Variants in ADGRA3 observed in about 807,000 individuals in gnomAD.
ADGRA3 encodes G-protein coupled receptor 125.
ADGRA3 carries 56 observed loss-of-function variants against 119.8 expected under a neutral mutation model. The observed-to-expected ratio is 0.47, with a 90% CI of 0.38 to 0.58. The LOEUF is 0.58. Ranked by LOEUF, ADGRA3 falls within the 20% of genes least tolerant of loss-of-function variation. The pLI is 0.00. For synonymous variants in ADGRA3, 607 were observed against 623.8 expected, an observed-to-expected ratio of 0.97 and a Z score of 0.40; for missense variants, 1,516 against 1,649.0, an observed-to-expected ratio of 0.92 and a Z score of 1.40.
At chr4:22,430,668 A>G (rs79842790) in intron 10 of ADGRA3, among the ~76,000 whole-genome samples, 1 of 151,922 alleles carries the variant, frequency 6.6e-6, no homozygotes, top group African/African-American at 2.4e-5. Context: ...AAAAAAAAAA[A>G]TCCCATTTTC....
At chr4:22,440,844 G>C (rs4611916) in intron 7 of ADGRA3, among the ~76,000 whole-genome samples, 27 of 152,068 alleles carry the variant, frequency 1.8e-4, no homozygotes, top group African/African-American at 6.3e-4. Flanking sequence ...TGAAATTATC[G>C]CTACAGTAAA....
chr4:22,474,511 T>G (rs963439825), intron 1 of ADGRA3, among the ~76,000 whole-genome samples: 1 of 152,186 alleles, frequency 6.6e-6, no homozygotes, highest in Non-Finnish European at 1.5e-5. Context: ...GAGAAGAGAC[T>G]TCATATTATC....
At position 22,392,533 on chromosome 4, in the gene ADGRA3, G is replaced by T; in HGVS notation, c.2627+12C>A. 2 of 1,612,292 alleles carry T rather than the reference G, an allele frequency of 1.2e-6. No individual in the cohort carries two copies. The highest frequency in any genetic ancestry group is 1.7e-6 in the Non-Finnish European group (2 of 1,179,214). ...CAAACAAAACAATTAATACAACAAA[G>T]ATATGAGATACCTGAGCATTGGTCT... On this transcript the variant is annotated intron_variant, in intron 17 of 18. Transcript: ENST00000334304.
chr4:22,430,590 G>T (rs534179982), intron 10 of ADGRA3, among the ~76,000 whole-genome samples: 2 of 152,172 alleles, frequency 1.3e-5, no homozygotes, highest in African/African-American at 4.8e-5. Context: ...TGCCGTAAAG[G>T]GCATTCCATT....
intron 10 of ADGRA3, among the ~76,000 whole-genome samples, chr4:22,425,466 G>A (rs550374072): frequency 1.6e-4 from 24 of 152,244 alleles, no homozygotes; most frequent in Middle Eastern, 3.4e-3. Flanking sequence ...AAATTGAACC[G>A]TCTAGGGCTA....
chr4:22,394,821 C>T (rs1714284184), intron 16 of ADGRA3: 1 of 152,156 alleles, frequency 6.6e-6, no homozygotes. Flanking sequence ...CTTAAAGATA[C>T]TGAAGCCTGA....
chr4:22,395,813 A>G (rs528308136), intron 16 of ADGRA3, among the ~76,000 whole-genome samples: 161 of 152,204 alleles, frequency 1.1e-3, no homozygotes, highest in African/African-American at 3.8e-3. Context: ...ACTACCTCCT[A>G]GGGTTAATAT....
chr4:22,453,644 T>C (rs1310354011), intron 4 of ADGRA3, among the ~76,000 whole-genome samples: 1 of 152,222 alleles, frequency 6.6e-6, no homozygotes, highest in Non-Finnish European at 1.5e-5. Context: ...ACTCCACATC[T>C]AGCATTTCAT....
chr4:22,485,761 C>G (rs969022743), intron 1 of ADGRA3, among the ~76,000 whole-genome samples: 5 of 152,208 alleles, frequency 3.3e-5, no homozygotes, highest in African/African-American at 1.2e-4. Flanking sequence ...CCTGCTACAA[C>G]TTCTCCCTCC....
chr4:22,412,976 C>A (rs781416900), intron 14 of ADGRA3, among the ~76,000 whole-genome samples: 5 of 151,908 alleles, frequency 3.3e-5, no homozygotes, highest in Non-Finnish European at 4.4e-5. Context: ...CAAACTCAAT[C>A]CCATACATTT....
chr4:22,416,799 T>G (rs1715449140), intron 12 of ADGRA3, among the ~76,000 whole-genome samples: 2 of 152,204 alleles, frequency 1.3e-5, no homozygotes, highest in South Asian at 4.1e-4. Flanking sequence ...ACAGCTGCTT[T>G]TTTTTGCTAA....
intron 4 of ADGRA3, among the ~76,000 whole-genome samples, chr4:22,449,846 CAAA>C (rs35006609): frequency 8.5e-6 from 1 of 117,788 alleles, no homozygotes; most frequent in African/African-American, 3.1e-5. Flanking sequence ...AACTCTGTCT[CAAA>C]AAAAAAAAAA....
At chr4:22,445,927 C>T (rs1716814455) in intron 5 of ADGRA3, among the ~76,000 whole-genome samples, 1 of 152,232 alleles carries the variant, frequency 6.6e-6, no homozygotes, top group African/African-American at 2.4e-5. Flanking sequence ...TAAGCACTGA[C>T]TATTCATGTG....
Position 22,388,081 on chromosome 4 carries a change from C to G in ADGRA3, c.3590G>C (p.Ser1197Thr). Reference sequence around the variant, plus strand: ...GCCGTTCTGCACGCTTCCTTCCACGCTCGTTGGGACATCGTAGGCATATTC... The same window carrying G: ...GCCGTTCTGCACGCTTCCTTCCACGGTCGTTGGGACATCGTAGGCATATTC... ...LREYAYDVPT[S>T]VEGSVQNGLP... The change falls in exon 19 of 19, where the codon AGC becomes ACC. Residue 1197 changes from serine (S) to threonine (T), a missense_variant. By Grantham distance (58) the Ser-to-Thr change is moderately conservative. This residue lies in a region of ADGRA3 where 1,088 missense variants were observed against 1,107.1 expected (regional missense o/e 0.98). Coordinates refer to ENST00000334304, the MANE Select transcript of ADGRA3 (RefSeq NM_145290.4). 1 of 1,614,176 alleles carries G rather than the reference C, an allele frequency of 6.2e-7. No homozygotes were observed. The highest frequency in any genetic ancestry group is 8.5e-7 in the Non-Finnish European group (1 of 1,180,020).
chr4:22,411,968 A>C (rs1487175041), intron 14 of ADGRA3, among the ~76,000 whole-genome samples: 5 of 152,122 alleles, frequency 3.3e-5, no homozygotes, highest in Non-Finnish European at 5.9e-5. Context: ...ACAAAAAAAA[A>C]CATACAAGAG....
intron 14 of ADGRA3, 144 bp from the exon 15 acceptor site, chr4:22,402,943 C>T: frequency 1.3e-6 from 1 of 752,280 alleles, no homozygotes. Flanking sequence ...ATGTTTCACG[C>T]TATTTTCCTA....
intron 10 of ADGRA3, among the ~76,000 whole-genome samples, chr4:22,433,273 G>C (rs1443942790): frequency 1.3e-5 from 2 of 152,102 alleles, no homozygotes; most frequent in Non-Finnish European, 2.9e-5. Context: ...AATTTTTACA[G>C]AACTAACTGA....
At chr4:22,389,249 G>T in intron 17 of ADGRA3, 66 bp from the exon 18 acceptor site, 2 of 1,007,480 alleles carry the variant, frequency 2.0e-6, no homozygotes, top group Non-Finnish European at 3.1e-6. Flanking sequence ...CTCTCATAAT[G>T]TCTCAGTACT....
intron 1 of ADGRA3, among the ~76,000 whole-genome samples, chr4:22,476,621 T>C (rs535017476): frequency 1.3e-5 from 2 of 152,022 alleles, no homozygotes; most frequent in African/African-American, 4.8e-5. Context: ...ATCGCTATTT[T>C]AGTGATGAGG....
Sources: gnomAD v4.1 joint callset for allele counts (sites outside exome capture counted in the v4.1 genomes callset) on GRCh38, gnomAD v4.1.1 for gene constraint, gnomAD v4.1.1 regional missense constraint, MANE v1.5 for transcripts, NCBI Gene and HGNC (gene_info 2026-07-23, HGNC 2026-07-21) for gene names.